SERPINA6: variants seen among roughly 807,000 people sequenced by gnomAD.
SERPINA6 encodes the protein corticosteroid-binding globulin.
Under a neutral mutation model 26.4 loss-of-function variants are expected in SERPINA6, and 19 were observed. The observed-to-expected ratio is 0.72, with a 90% CI of 0.50 to 1.06. SERPINA6 has a LOEUF of 1.06. Ranked by LOEUF, SERPINA6 falls within the 50% of genes least tolerant of loss-of-function variation. SERPINA6 has a pLI of 0.00. For synonymous variants in SERPINA6, 196 were observed against 199.4 expected (o/e 0.98, Z 0.14); for missense variants, 473 against 504.0 (o/e 0.94, Z 0.59).
intron 4 of SERPINA6, 111 bp from the exon 5 acceptor site, chr14:94,304,714 T>C: frequency 2.3e-6 from 2 of 870,892 alleles, no homozygotes; most frequent in Non-Finnish European, 3.6e-6. Context: ...AAATCCAGGG[T>C]CAGAGAAGGT....
chr14:94,316,160 T>G (rs974926215), intron 1 of SERPINA6, among the ~76,000 whole-genome samples: 9 of 152,226 alleles, frequency 5.9e-5, no homozygotes, highest in African/African-American at 2.2e-4. Context: ...TTTCCACAAT[T>G]TGTAAAATTT....
intron 1 of SERPINA6, among the ~76,000 whole-genome samples, chr14:94,315,611 C>A (rs1322636512): frequency 6.6e-6 from 1 of 151,940 alleles, no homozygotes; most frequent in African/African-American, 2.4e-5. Flanking sequence ...ATTTTAGATC[C>A]AAAAATGTAA....
At chr14:94,315,218 G>T (rs543883104) in intron 1 of SERPINA6, among the ~76,000 whole-genome samples, 1 of 152,176 alleles carries the variant, frequency 6.6e-6, no homozygotes, top group Non-Finnish European at 1.5e-5. Context: ...AGGTAGATGC[G>T]TGGGCAATTA....
chr14:94,304,744 C>T (rs996173519), intron 4 of SERPINA6, 141 bp from the exon 5 acceptor site: 2 of 712,622 alleles, frequency 2.8e-6, no homozygotes, highest in East Asian at 2.7e-5. Context: ...GATTCTTATC[C>T]AAGTGGCAGC....
In SERPINA6 at chr14:94,304,330, G is replaced by A; in HGVS notation, c.*88C>T. 7.6e-7 allele frequency: 1 copy of A among 1,317,292 alleles called. No homozygotes were observed. The highest frequency in any genetic ancestry group is 1.1e-6 in the Non-Finnish European group (1 of 910,388). 81.6% of individuals were successfully genotyped at this position (1,317,292 alleles called of 1,614,324 possible). ...GAGGGAGAAGAACTTGGAGGAGATTGGGGGAAACCTCCCGCTCTCCAAAAC... is the reference window on the plus strand; with the variant it reads ...GAGGGAGAAGAACTTGGAGGAGATTAGGGGAAACCTCCCGCTCTCCAAAAC... On this transcript the variant is annotated 3_prime_UTR_variant, in exon 5 of 5. Transcript: ENST00000341584.
intron 1 of SERPINA6, among the ~76,000 whole-genome samples, chr14:94,319,039 G>A (rs779769820): frequency 6.6e-6 from 1 of 152,166 alleles, no homozygotes; most frequent in Non-Finnish European, 1.5e-5. Flanking sequence ...ACATACAAAT[G>A]GCCAGTAAGC....
At chr14:94,314,743 C>G (rs1263546115) in intron 1 of SERPINA6, 76 bp from the exon 2 acceptor site, 3 of 1,389,930 alleles carry the variant, frequency 2.2e-6, no homozygotes, top group Non-Finnish European at 3.0e-6. Flanking sequence ...AGGAGGCAGG[C>G]AAAAGACCCC....
At chr14:94,316,903 A>G (rs1402965966) in intron 1 of SERPINA6, among the ~76,000 whole-genome samples, 1 of 152,194 alleles carries the variant, frequency 6.6e-6, no homozygotes, top group Non-Finnish European at 1.5e-5. Flanking sequence ...CAGCCTTATT[A>G]GGCCCTTTTC....
chr14:94,312,361 G>A (rs1396060125), intron 2 of SERPINA6, among the ~76,000 whole-genome samples: 1 of 152,194 alleles, frequency 6.6e-6, no homozygotes, highest in African/African-American at 2.4e-5. Flanking sequence ...AGGCTCAGGA[G>A]GGCCCTCCCT....
chr14:94,319,436 C>G (rs150142343), intron 1 of SERPINA6, among the ~76,000 whole-genome samples: 65 of 152,284 alleles, frequency 4.3e-4, no homozygotes, highest in African/African-American at 1.3e-3. Flanking sequence ...TTTGACCCAA[C>G]AATTTTGCTT....
chr14:94,305,961 C>G (rs1265800361), intron 4 of SERPINA6, 110 bp downstream of exon 4: 1 of 1,291,686 alleles, frequency 7.7e-7, no homozygotes, highest in Admixed American at 1.9e-5. Flanking sequence ...GGGTTCTCAG[C>G]CAGGGACCTA....
chr14:94,316,951 A>G (rs1249894889), intron 1 of SERPINA6, among the ~76,000 whole-genome samples: 1 of 152,164 alleles, frequency 6.6e-6, no homozygotes, highest in Non-Finnish European at 1.5e-5. Flanking sequence ...TCCGGTTGTC[A>G]GGCCTTCAGA....
Position 94,304,492 on chromosome 14 carries a change from G to T in SERPINA6, c.1144C>A (p.Pro382Thr), listed in dbSNP as rs756004082. The T allele has an allele frequency of 2.5e-6, 4 of 1,614,148 alleles. No individual in the cohort carries two copies. The South Asian group carries it at 4.4e-5, about 18-fold the overall frequency. The change falls in exon 5 of 5, where the codon CCC becomes ACC. Residue 382 changes from proline to threonine, a missense_variant. Transcript: ENST00000341584. ...TGGTCGAAGATCATGATGATGAAGGGCTGGTTGAAACGCAAGATGATAGGC... is the reference window on the plus strand; with the variant it reads ...TGGTCGAAGATCATGATGATGAAGGTCTGGTTGAAACGCAAGATGATAGGC... The part of the protein sequence containing the change: ...SKPIILRFNQ[P>T]FIIMIFDHFT...
Position 94,314,056 on chromosome 14 carries a change from A to G in SERPINA6, c.593T>C (p.Val198Ala), listed in dbSNP as rs1895572602. Reference sequence around the variant, plus strand: ...AATACCTTTGAAGAAGATATAGTTGACCAGGACGAGGATGGCTGGGCTATC... The same window carrying G: ...AATACCTTTGAAGAAGATATAGTTGGCCAGGACGAGGATGGCTGGGCTATC... ...GLDSPAILVLVNYIFFKGTWT... is the reference protein window; with the variant it reads ...GLDSPAILVLANYIFFKGTWT... The change falls in exon 2 of 5, where the codon GTC (valine) becomes GCC (alanine). Residue 198 changes from valine (V) to alanine (A), a missense_variant. Physicochemically the swap from Val to Ala is moderately conservative, Grantham distance 64 (BLOSUM62 0). Coordinates refer to ENST00000341584, the MANE Select transcript of SERPINA6 (RefSeq NM_001756.4). 1 of 1,614,126 alleles carries G rather than the reference A, an allele frequency of 6.2e-7. No individual in the cohort carries two copies. Among genetic ancestry groups the G allele is most frequent in the African/African-American group, 1.3e-5 (1 of 75,002 alleles).
At chr14:94,315,849 A>G (rs1366841849) in intron 1 of SERPINA6, among the ~76,000 whole-genome samples, 1 of 152,186 alleles carries the variant, frequency 6.6e-6, no homozygotes, top group African/African-American at 2.4e-5. Context: ...TAGTTTTTGT[A>G]CTGAAATGCT....
intron 1 of SERPINA6, among the ~76,000 whole-genome samples, chr14:94,319,819 G>A (rs1895659123): frequency 6.6e-6 from 1 of 152,146 alleles, no homozygotes; most frequent in Non-Finnish European, 1.5e-5. Context: ...GGGAGTTATT[G>A]TTGAGTGGGT....
chr14:94,320,780 G>T (rs1388132041), intron 1 of SERPINA6, among the ~76,000 whole-genome samples: 1 of 152,102 alleles, frequency 6.6e-6, no homozygotes, highest in Non-Finnish European at 1.5e-5. Flanking sequence ...CTCCTTGCGT[G>T]TCTCCCTTAT....
chr14:94,321,779 G>A (rs1434791777), intron 1 of SERPINA6, among the ~76,000 whole-genome samples: 2 of 152,150 alleles, frequency 1.3e-5, no homozygotes, highest in Admixed American at 6.5e-5. Flanking sequence ...CTTCTCTATG[G>A]CCTTGCCCCA....
At chr14:94,311,142 A>G (rs578180945) in intron 2 of SERPINA6, among the ~76,000 whole-genome samples, 98 of 152,368 alleles carry the variant, frequency 6.4e-4, no homozygotes, top group Non-Finnish European at 9.0e-4. Flanking sequence ...TAGAGACACC[A>G]GAGCTATGCT....
Sources: allele counts gnomAD v4.1 joint callset (sites outside exome capture counted in the v4.1 genomes callset), GRCh38; gene constraint gnomAD v4.1.1; transcripts MANE v1.5; gene names NCBI Gene and HGNC (gene_info 2026-07-23, HGNC 2026-07-21).